Variants in MGMT observed in about 807,000 individuals in gnomAD.
MGMT encodes methylated-DNA--protein-cysteine methyltransferase.
Under a neutral mutation model 15.9 loss-of-function variants are expected in MGMT, and 14 were observed. The observed-to-expected ratio is 0.88, with a 90% CI of 0.58 to 1.37. MGMT has a LOEUF of 1.37. Among genes scored for constraint, MGMT ranks in the 40% most tolerant of loss-of-function variants. The pLI is 0.00. For synonymous variants in MGMT, 130 were observed against 118.2 expected, an observed-to-expected ratio of 1.10 and a Z score of -0.65; for missense variants, 282 against 268.1, an observed-to-expected ratio of 1.05 and a Z score of -0.36.
chr10:129,654,623 G>A (rs1160609370), intron 2 of MGMT, among the ~76,000 whole-genome samples: 1 of 152,026 alleles, frequency 6.6e-6, no homozygotes, highest in African/African-American at 2.4e-5. Context: ...CCTGCTGCCT[G>A]GAGCACAGGG....
rs1214793612 is a variant in MGMT, at chr10:129,769,640, T to C, written c.*2643T>C. On this transcript the variant is annotated 3_prime_UTR_variant, in exon 5 of 5. Coordinates refer to ENST00000651593, the MANE Select transcript of MGMT (RefSeq NM_002412.5). ...ACTTGTTTTTGCAGAACCACACTTG[T>C]GGCAAAATAAGTTGCCTTTGGCCAC... Among the ~76,000 whole-genome samples the C allele has an allele frequency of 6.6e-6, 1 of 152,152 alleles. No homozygotes were observed. The highest frequency in any genetic ancestry group is 1.5e-5 in the Non-Finnish European group (1 of 68,022).
chr10:129,555,440 G>T (rs56333392), intron 2 of MGMT, among the ~76,000 whole-genome samples: 5,002 of 152,256 alleles, frequency 0.033, 131 homozygotes, highest in South Asian at 0.064. Flanking sequence ...GCCGGGCGTG[G>T]TGGCTCACAC....
At chr10:129,587,080 C>T (rs902298052) in intron 2 of MGMT, among the ~76,000 whole-genome samples, 4 of 152,146 alleles carry the variant, frequency 2.6e-5, no homozygotes, top group African/African-American at 4.8e-5. Flanking sequence ...TGCATTGTTT[C>T]GGACCAGAAA....
At chr10:129,534,984 G>A (rs554566466) in intron 1 of MGMT, among the ~76,000 whole-genome samples, 3 of 152,326 alleles carry the variant, frequency 2.0e-5, no homozygotes, top group African/African-American at 7.2e-5. Flanking sequence ...AGGAGATTGT[G>A]TGTAAATAAA....
At chr10:129,712,057 T>C (rs1848239148) in intron 3 of MGMT, among the ~76,000 whole-genome samples, 1 of 152,186 alleles carries the variant, frequency 6.6e-6, no homozygotes, top group South Asian at 2.1e-4. Context: ...CTTTTTACAA[T>C]GAGTTCAAGA....
chr10:129,662,274 G>C (rs1322210371), intron 2 of MGMT, among the ~76,000 whole-genome samples: 8 of 152,112 alleles, frequency 5.3e-5, no homozygotes, highest in Non-Finnish European at 8.8e-5. Context: ...CAAGCTCACA[G>C]ACCAGGAAGT....
chr10:129,688,735 A>G (rs1250146798), intron 2 of MGMT, among the ~76,000 whole-genome samples: 1 of 152,192 alleles, frequency 6.6e-6, no homozygotes, highest in African/African-American at 2.4e-5. Flanking sequence ...ATGGCAACAA[A>G]AGCCAAAATT....
chr10:129,632,311 G>A (rs1427724971), intron 2 of MGMT, among the ~76,000 whole-genome samples: 2 of 152,130 alleles, frequency 1.3e-5, no homozygotes, highest in African/African-American at 2.4e-5. Context: ...GCATGTGGGC[G>A]CCTTGTACTT....
chr10:129,629,552 G>A (rs751920438), intron 2 of MGMT, among the ~76,000 whole-genome samples: 5 of 152,182 alleles, frequency 3.3e-5, no homozygotes, highest in Non-Finnish European at 5.9e-5. Context: ...GTTAAGCAGC[G>A]TACCTGGTGA....
intron 2 of MGMT, among the ~76,000 whole-genome samples, chr10:129,674,687 G>A (rs61874310): frequency 6.6e-6 from 1 of 152,358 alleles, no homozygotes; most frequent in African/African-American, 2.4e-5. Flanking sequence ...GTCCTCTGGT[G>A]ACAGCAGCCT....
At chr10:129,541,804 C>T (rs1455042394) in intron 2 of MGMT, among the ~76,000 whole-genome samples, 2 of 152,202 alleles carry the variant, frequency 1.3e-5, no homozygotes, top group African/African-American at 4.8e-5. Context: ...AGACTGTCTT[C>T]TACTGCAGAG....
chr10:129,577,941 A>G (rs140017307), intron 2 of MGMT, among the ~76,000 whole-genome samples: 1,994 of 152,368 alleles, frequency 0.013, 23 homozygotes, highest in Middle Eastern at 0.02. Flanking sequence ...AATGCTCACC[A>G]TCACTGGCCA....
intron 1 of MGMT, among the ~76,000 whole-genome samples, chr10:129,470,302 C>A (rs148977167): frequency 6.6e-6 from 1 of 152,068 alleles, no homozygotes; most frequent in African/African-American, 2.4e-5. Flanking sequence ...GTGTTGTGGA[C>A]CAAATGTTGC....
chr10:129,616,564 TG>T (rs1847030234), intron 2 of MGMT, among the ~76,000 whole-genome samples: 1 of 152,176 alleles, frequency 6.6e-6, no homozygotes, highest in Non-Finnish European at 1.5e-5. Flanking sequence ...ATTACCTCTC[TG>T]GTGCCCTGTC....
intron 2 of MGMT, among the ~76,000 whole-genome samples, chr10:129,575,599 A>G (rs1244634350): frequency 3.3e-4 from 49 of 149,040 alleles, no homozygotes; most frequent in African/African-American, 1.2e-3. Flanking sequence ...TCTAAAATTG[A>G]CACCCTAACA....
chr10:129,539,529 C>T (rs1190294773), intron 2 of MGMT, among the ~76,000 whole-genome samples: 4 of 151,716 alleles, frequency 2.6e-5, no homozygotes, highest in African/African-American at 4.9e-5. Context: ...TGTTTTGAGA[C>T]GGAGTCTTGC....
chr10:129,540,877 G>A (rs544222819), intron 2 of MGMT, among the ~76,000 whole-genome samples: 186 of 152,292 alleles, frequency 1.2e-3, no homozygotes, highest in Non-Finnish European at 2.0e-3. Flanking sequence ...CCCTCATCTC[G>A]GGGTGCTCCC....
intron 1 of MGMT, among the ~76,000 whole-genome samples, chr10:129,494,820 GTATT>G (rs2119663859): frequency 1.3e-5 from 2 of 152,238 alleles, no homozygotes; most frequent in South Asian, 4.1e-4. Context: ...TTGCTTGTTT[GTATT>G]TATTTGTTCC....
intron 2 of MGMT, among the ~76,000 whole-genome samples, chr10:129,598,048 T>C (rs1475663252): frequency 6.6e-6 from 1 of 152,008 alleles, no homozygotes; most frequent in Non-Finnish European, 1.5e-5. Context: ...GTCCACCATG[T>C]GGAAGTGCTC....
Sources: gnomAD v4.1 joint callset for allele counts (sites outside exome capture counted in the v4.1 genomes callset) on GRCh38, gnomAD v4.1.1 for gene constraint, MANE v1.5 for transcripts, NCBI Gene and HGNC (gene_info 2026-07-23, HGNC 2026-07-21) for gene names.